Variants in KDM1A observed in about 807,000 individuals in gnomAD.
The protein encoded by KDM1A is lysine-specific histone demethylase 1A.
KDM1A carries 49 observed loss-of-function variants against 109.4 expected under a neutral mutation model. That is an observed-to-expected ratio of 0.45 (90% CI 0.36 to 0.57). KDM1A has a LOEUF of 0.57. Ranked by LOEUF, KDM1A falls within the 20% of genes least tolerant of loss-of-function variation. The pLI, the probability that KDM1A is intolerant of heterozygous loss-of-function variation, is 0.00. For synonymous variants in KDM1A, 380 were observed against 415.4 expected (o/e 0.91, Z 1.04); for missense variants, 668 against 1,116.6 (o/e 0.60, Z 5.73).
intron 11 of KDM1A, 58 bp from the exon 12 acceptor site, chr1:23,069,003 C>T (rs1363737045): frequency 8.6e-7 from 1 of 1,163,270 alleles, no homozygotes; most frequent in Non-Finnish European, 1.2e-6. Context: ...TTGATGGGCA[C>T]CTGTCTTATT....
At chr1:23,080,668 C>T (rs1163791124) in intron 18 of KDM1A, among the ~76,000 whole-genome samples, 1 of 152,196 alleles carries the variant, frequency 6.6e-6, no homozygotes, top group Non-Finnish European at 1.5e-5. Flanking sequence ...GCCTCAGAGC[C>T]TCTGCGTGTA....
At chr1:23,056,157 TCA>T in intron 7 of KDM1A, 119 bp downstream of exon 7, 1 of 653,194 alleles carries the variant, frequency 1.5e-6, no homozygotes, top group Non-Finnish European at 2.6e-6. Flanking sequence ...TGTATAATAC[TCA>T]GAGTATTTTG....
intron 6 of KDM1A, 136 bp from the exon 7 acceptor site, chr1:23,055,796 A>G: frequency 2.3e-6 from 1 of 433,782 alleles, no homozygotes; most frequent in Admixed American, 3.9e-5. Context: ...TAGTTTCCAT[A>G]TTTTGAAAAT....
chr1:23,027,413 C>CTTTTT (rs34416518), intron 1 of KDM1A, among the ~76,000 whole-genome samples: 2 of 115,278 alleles, frequency 1.7e-5, no homozygotes, highest in Admixed American at 1.0e-4. Flanking sequence ...GTTTTGTTTG[C>CTTTTT]TTTTTTTTTT....
chr1:23,061,129 T>G (rs965945928), intron 9 of KDM1A, among the ~76,000 whole-genome samples: 3 of 152,226 alleles, frequency 2.0e-5, no homozygotes, highest in Admixed American at 6.5e-5. Context: ...AAAACATTTG[T>G]TTCTGTACCA....
rs150813244 is a variant in KDM1A, at chr1:23,066,009, G to T, written c.1168-51G>T. ...ATACAAAACTAAACTTGATGTGGCT[G>T]TTGGGCTGTTATTTACAGTTTATTT... On this transcript the variant is annotated intron_variant, in intron 9 of 20. Coordinates refer to ENST00000400181, the MANE Select transcript of KDM1A (RefSeq NM_001009999.3). The T allele has an allele frequency of 8.1e-5, 129 of 1,602,430 alleles. No individual in the cohort carries two copies. The African/African-American group carries it at 1.2e-3, about 15-fold the overall frequency.
rs1643619038 is a variant in KDM1A, at chr1:23,081,436, G to GT, written c.2171-7dup. The GT allele has an allele frequency of 6.2e-7, 1 of 1,613,958 alleles. No homozygotes were observed. Among genetic ancestry groups the GT allele is most frequent in the Non-Finnish European group, 8.5e-7 (1 of 1,179,876 alleles). On this transcript the variant is annotated splice_polypyrimidine_tract_variant and intron_variant, in intron 18 of 20. Coordinates refer to ENST00000400181, the MANE Select transcript of KDM1A (RefSeq NM_001009999.3). ...GGAAAACCCTAGAATTATCCTTTCT[G>GT]TTTCCCCAGCTCCAATACTGTTGGC...
rs192340757 is a variant in KDM1A, at chr1:23,028,930, G to A, written c.352-1539G>A. ...ATAATTGTTTTCTCCATTGTACCAC[G>A]TACTCAGTGTTCAGTATTTGAGTAG... On this transcript the variant is annotated intron_variant, in intron 1 of 20. Coordinates refer to ENST00000400181, the MANE Select transcript of KDM1A (RefSeq NM_001009999.3). Among the ~76,000 whole-genome samples, 411 of 152,170 alleles carry A rather than the reference G, an allele frequency of 2.7e-3. 4 individuals are homozygous for A. Among genetic ancestry groups the A allele is most frequent in the African/African-American group, 9.1e-3 (379 of 41,514 alleles).
chr1:23,021,732 T>C (rs1446566155), intron 1 of KDM1A, among the ~76,000 whole-genome samples: 2 of 152,176 alleles, frequency 1.3e-5, no homozygotes, highest in Non-Finnish European at 2.9e-5. Context: ...TTAAAATGTA[T>C]GATTCAGTGG....
intron 3 of KDM1A, 144 bp from the exon 4 acceptor site, chr1:23,050,243 T>C (rs1569723838): frequency 1.4e-6 from 1 of 736,480 alleles, no homozygotes; most frequent in Non-Finnish European, 2.0e-6. Context: ...GTGGCTAATA[T>C]CTAAGGAAGT....
At chr1:23,044,596 G>A (rs1642448663) in intron 3 of KDM1A, 110 bp downstream of exon 3, 1 of 891,240 alleles carries the variant, frequency 1.1e-6, no homozygotes, top group African/African-American at 1.7e-5. Flanking sequence ...AGAAGCGCAG[G>A]TGAAATTTAA....
At position 23,081,460 on chromosome 1, in the gene KDM1A, G is replaced by A. The variant is rs1643619399; in HGVS notation, c.2185G>A (p.Ala729Thr). 2 of 1,614,108 alleles carry A rather than the reference G, an allele frequency of 1.2e-6. No homozygotes were observed. Among genetic ancestry groups the A allele is most frequent in the Non-Finnish European group, 1.7e-6 (2 of 1,179,984 alleles). Reference protein sequence around the residue: ...WNLYKAPILLALVAGEAAGIM... With the variant: ...WNLYKAPILLTLVAGEAAGIM... ...TGTTTCCCCAGCTCCAATACTGTTG[G>A]CACTAGTGGCAGGAGAAGCTGCTGG... The change falls in exon 19 of 21, where the codon GCA (alanine) becomes ACA (threonine). Residue 729 changes from alanine to threonine, a missense_variant. Transcript: ENST00000400181.
intron 2 of KDM1A, among the ~76,000 whole-genome samples, chr1:23,030,915 A>C (rs1388521273): frequency 6.6e-6 from 1 of 152,172 alleles, no homozygotes; most frequent in African/African-American, 2.4e-5. Context: ...GACAGTGGCA[A>C]TATAAGGTGG....
chr1:23,068,502 T>G, intron 10 of KDM1A, 37 bp from the exon 11 acceptor site: 1 of 1,528,326 alleles, frequency 6.5e-7, no homozygotes, highest in Non-Finnish European at 8.7e-7. Flanking sequence ...ATGTTTAGTT[T>G]TATAAGGACC....
Position 23,050,461 on chromosome 1 carries a change from G to T in KDM1A, c.652G>T (p.Asp218Tyr), listed in dbSNP as rs752000598. ...MTSQEAACFPDIISGPQQTQK... is the reference protein window; with the variant it reads ...MTSQEAACFPYIISGPQQTQK... ...TTCTCAAGAAGCAGCCTGTTTTCCA[G>T]ATATTATCAGTGGACCACAACAGAC... The change falls in exon 4 of 21, where the codon GAT becomes TAT. Residue 218 changes from aspartate to tyrosine, a missense_variant. Around this residue, in one of 8 missense-constraint regions of KDM1A, gnomAD observed 149 missense variants for 189.7 expected, o/e 0.79. Coordinates refer to ENST00000400181, the MANE Select transcript of KDM1A (RefSeq NM_001009999.3). The T allele has an allele frequency of 6.2e-7, 1 of 1,613,410 alleles. No homozygotes were observed.
intron 1 of KDM1A, among the ~76,000 whole-genome samples, chr1:23,022,705 C>G (rs1328040688): frequency 8.1e-6 from 1 of 123,376 alleles, no homozygotes; most frequent in Non-Finnish European, 1.6e-5. Context: ...ACCACCCAGG[C>G]TGGAGTGCAG....
At chr1:23,048,978 GTC>G (rs1642580506) in intron 3 of KDM1A, among the ~76,000 whole-genome samples, 2 of 151,638 alleles carry the variant, frequency 1.3e-5, no homozygotes, top group South Asian at 4.2e-4. Context: ...GGGAAACCCT[GTC>G]TCTACAAAGA....
intron 2 of KDM1A, among the ~76,000 whole-genome samples, chr1:23,031,966 G>A (rs1641995707): frequency 6.6e-6 from 1 of 152,226 alleles, no homozygotes; most frequent in South Asian, 2.1e-4. Flanking sequence ...TACACCTCTC[G>A]TTATTCATTT....
intron 2 of KDM1A, among the ~76,000 whole-genome samples, chr1:23,042,292 ATTC>A (rs1332875112): frequency 1.3e-5 from 2 of 151,824 alleles, no homozygotes; most frequent in African/African-American, 4.8e-5. Flanking sequence ...CTTAAGTGTG[ATTC>A]TTGGAAACTA....
Sources: gnomAD v4.1 joint callset for allele counts (sites outside exome capture counted in the v4.1 genomes callset) on GRCh38, gnomAD v4.1.1 for gene constraint, gnomAD v4.1.1 regional missense constraint, MANE v1.5 for transcripts, NCBI Gene and HGNC (gene_info 2026-07-23, HGNC 2026-07-21) for gene names.